PSMA1: variants seen among roughly 807,000 people sequenced by gnomAD.
PSMA1 encodes the protein proteasome subunit alpha type-1.
In PSMA1, 3 loss-of-function variants were observed where a neutral mutation model predicts 38.4. The ratio of observed to expected loss-of-function variants is 0.08; its 90% confidence interval spans 0.04 to 0.20. PSMA1 has a LOEUF of 0.20. PSMA1 is among the 10% of genes least tolerant of loss of function. The probability of loss-of-function intolerance (pLI) is 1.00; values close to 1 mark genes in which losing one functional copy is unlikely to be tolerated. For missense variants in PSMA1, 227 were observed against 325.3 expected, an observed-to-expected ratio of 0.70 and a Z score of 2.32; for synonymous variants, 101 against 107.1, an observed-to-expected ratio of 0.94 and a Z score of 0.35.
At chr11:14,512,245 A>T (rs1405215395) in intron 7 of PSMA1, among the ~76,000 whole-genome samples, 1 of 152,092 alleles carries the variant, frequency 6.6e-6, no homozygotes, top group Non-Finnish European at 1.5e-5. Flanking sequence ...GTGGTGGCGC[A>T]TGCCTGCAAT....
chr11:14,597,045 G>A (rs968522555), intron 2 of PSMA1, among the ~76,000 whole-genome samples: 4 of 152,102 alleles, frequency 2.6e-5, no homozygotes, highest in South Asian at 2.1e-4. Flanking sequence ...GATGGAGTAC[G>A]TTTATTGATT....
In PSMA1 at chr11:14,513,661, A is replaced by C. The variant is rs750465050; in HGVS notation, c.453T>G (p.Ala151=). Residue 151 remains alanine (A), a synonymous_variant, in exon 7 of 10, where the codon GCT becomes GCG. Coordinates refer to ENST00000396394, the MANE Select transcript of PSMA1 (RefSeq NM_002786.4). ...ACATGGCTCTGCAGTCAAAATAGTT[A>C]GCAGATGGACAGGTTTGGAAAATGT... ...GPHIFQTCPS[A]NYFDCRAMSI... The C allele has an allele frequency of 3.1e-6, 5 of 1,595,188 alleles. 1 individual carries two copies. In the South Asian group the frequency reaches 5.8e-5, roughly 18 times the overall value.
intron 2 of PSMA1, among the ~76,000 whole-genome samples, chr11:14,536,911 T>G (rs1565039560): frequency 6.6e-6 from 1 of 152,184 alleles, no homozygotes; most frequent in Admixed American, 6.5e-5. Flanking sequence ...CACCGCGCCC[T>G]GCCAAAGGCA....
At chr11:14,632,945 T>C (rs1301671754) in intron 1 of PSMA1, among the ~76,000 whole-genome samples, 4 of 150,096 alleles carry the variant, frequency 2.7e-5, no homozygotes, top group Non-Finnish European at 6.0e-5. Flanking sequence ...CTGAGGCTTC[T>C]GCATTCTTCA....
intron 1 of PSMA1, among the ~76,000 whole-genome samples, chr11:14,636,321 T>C (rs897538921): frequency 2.6e-5 from 4 of 152,194 alleles, no homozygotes; most frequent in African/African-American, 9.6e-5. Context: ...TAGAATGTGG[T>C]ATTTTATGCT....
At chr11:14,533,076 G>A (rs1238561284) in intron 2 of PSMA1, among the ~76,000 whole-genome samples, 1 of 152,106 alleles carries the variant, frequency 6.6e-6, no homozygotes, top group South Asian at 2.1e-4. Context: ...TACATCGTGT[G>A]TACATATGCA....
At chr11:14,584,823 T>C (rs1381783326) in intron 2 of PSMA1, among the ~76,000 whole-genome samples, 2 of 152,250 alleles carry the variant, frequency 1.3e-5, no homozygotes, top group African/African-American at 4.8e-5. Context: ...CCTTTGCCCT[T>C]AGGCCCTGTT....
intron 2 of PSMA1, among the ~76,000 whole-genome samples, chr11:14,551,591 A>G (rs1010845874): frequency 2.0e-5 from 3 of 152,244 alleles, no homozygotes; most frequent in Non-Finnish European, 2.9e-5. Context: ...CAAAGTAAAC[A>G]TGGATTTGGG....
chr11:14,557,774 C>A (rs1375744545), intron 2 of PSMA1, among the ~76,000 whole-genome samples: 1 of 152,102 alleles, frequency 6.6e-6, no homozygotes, highest in Non-Finnish European at 1.5e-5. Flanking sequence ...TCCTGGGTAA[C>A]AGAAGAGCAG....
At chr11:14,515,694 C>T (rs1012901411) in intron 4 of PSMA1, among the ~76,000 whole-genome samples, 3 of 151,642 alleles carry the variant, frequency 2.0e-5, no homozygotes, top group Non-Finnish European at 4.4e-5. Flanking sequence ...GCTGGGATTA[C>T]AGGTGCCTGC....
upstream of PSMA1, among the ~76,000 whole-genome samples, chr11:14,521,304 T>TAAG (rs1851523653): frequency 1.1e-5 from 1 of 93,346 alleles, no homozygotes; most frequent in African/African-American, 4.1e-5. Flanking sequence ...GCTACAATAA[T>TAAG]AATAAGAATA....
chr11:14,586,291 G>C (rs1852344327), intron 2 of PSMA1, among the ~76,000 whole-genome samples: 2 of 152,018 alleles, frequency 1.3e-5, no homozygotes. Flanking sequence ...AATTAGCTGG[G>C]CATGGTGGCG....
At chr11:14,518,075 C>A in intron 2 of PSMA1, 94 bp from the exon 3 acceptor site, 1 of 878,950 alleles carries the variant, frequency 1.1e-6, no homozygotes, top group Non-Finnish European at 1.7e-6. Flanking sequence ...ACAGTTAAAT[C>A]TCAACTGATT....
intron 7 of PSMA1, among the ~76,000 whole-genome samples, chr11:14,512,581 G>A (rs1851362963): frequency 6.6e-6 from 1 of 152,146 alleles, no homozygotes; most frequent in Non-Finnish European, 1.5e-5. Flanking sequence ...TGGACACTGA[G>A]TTTCTAATGA....
At chr11:14,514,538 C>G (rs747099044) in intron 4 of PSMA1, 47 bp from the exon 5 acceptor site, 44 of 1,319,586 alleles carry the variant, frequency 3.3e-5, no homozygotes, top group Non-Finnish European at 4.3e-5. Context: ...TTATAGACAA[C>G]TATTCCAATC....
intron 2 of PSMA1, among the ~76,000 whole-genome samples, chr11:14,532,285 G>T (rs866275132): frequency 7.9e-5 from 12 of 152,080 alleles, no homozygotes; most frequent in Middle Eastern, 3.2e-3. Flanking sequence ...GCTTACAGCT[G>T]GTTTTATAAT....
chr11:14,580,090 C>A (rs1249079616), intron 2 of PSMA1, among the ~76,000 whole-genome samples: 1 of 152,196 alleles, frequency 6.6e-6, no homozygotes, highest in East Asian at 1.9e-4. Flanking sequence ...CACTGTTGCT[C>A]ATGTGATCTG....
At chr11:14,624,463 A>C (rs1049703554) in intron 1 of PSMA1, among the ~76,000 whole-genome samples, 1 of 152,132 alleles carries the variant, frequency 6.6e-6, no homozygotes, top group African/African-American at 2.4e-5. Flanking sequence ...AGCCCTATCT[A>C]CCATCACTCC....
intron 2 of PSMA1, among the ~76,000 whole-genome samples, chr11:14,537,754 G>GTTTTTTTTTTTTTTT: frequency 6.7e-6 from 1 of 148,894 alleles, no homozygotes. Flanking sequence ...TGTCACCCAG[G>GTTTTTTTTTTTTTTT]CTGGAGTGCA....
Sources: gnomAD v4.1 joint callset for allele counts (sites outside exome capture counted in the v4.1 genomes callset) on GRCh38, gnomAD v4.1.1 for gene constraint, MANE v1.5 for transcripts, NCBI Gene and HGNC (gene_info 2026-07-23, HGNC 2026-07-21) for gene names.